Variants in OCA2 observed in about 807,000 individuals in gnomAD.
OCA2 encodes OCA2 melanosomal transmembrane protein.
A neutral mutation model predicts 100.2 loss-of-function variants in OCA2; 77 were observed. The observed-to-expected ratio is 0.77, with a 90% CI of 0.64 to 0.93. The LOEUF (loss-of-function observed/expected upper bound fraction) is 0.93, where lower values mean the gene tolerates loss of function less well. OCA2 is among the 40% of genes least tolerant of loss of function. The pLI, the probability that OCA2 is intolerant of heterozygous loss-of-function variation, is 0.00. For synonymous variants in OCA2, 432 were observed against 439.2 expected, an observed-to-expected ratio of 0.98 and a Z score of 0.21; for missense variants, 1,062 against 1,089.1, an observed-to-expected ratio of 0.98 and a Z score of 0.35.
intron 23 of OCA2, among the ~76,000 whole-genome samples, chr15:27,833,819 T>C (rs570128288): frequency 6.6e-6 from 1 of 152,078 alleles, no homozygotes; most frequent in Non-Finnish European, 1.5e-5. Context: ...TCTCCGGAGA[T>C]CTCACCCCAG....
At chr15:27,813,652 C>T (rs989425007) in intron 23 of OCA2, among the ~76,000 whole-genome samples, 1 of 152,204 alleles carries the variant, frequency 6.6e-6, no homozygotes, top group African/African-American at 2.4e-5. Flanking sequence ...CATCGGATCA[C>T]TCAGTTCATA....
chr15:27,846,834 G>A (rs1170171612), intron 22 of OCA2, among the ~76,000 whole-genome samples: 1 of 152,194 alleles, frequency 6.6e-6, no homozygotes, highest in African/African-American at 2.4e-5. Flanking sequence ...GGGCCTGCAT[G>A]AGGAAGGCTG....
chr15:27,739,419 G>A, the OCA2 span, among the ~76,000 whole-genome samples: 6 of 147,190 alleles, frequency 4.1e-5, no homozygotes, highest in South Asian at 6.6e-4. Context: ...ACTTACCAAT[G>A]ATAATATTAA....
At chr15:27,832,219 T>C (rs1323662408) in intron 23 of OCA2, among the ~76,000 whole-genome samples, 5 of 152,048 alleles carry the variant, frequency 3.3e-5, no homozygotes, top group East Asian at 1.9e-4. Flanking sequence ...CTCCAAACCC[T>C]ACCCCACTGG....
At position 28,053,761 on chromosome 15, in the gene OCA2, G is replaced by A. The variant is rs139248909; in HGVS notation, c.228-21598C>T. The stretch of plus-strand genomic sequence containing the variant: ...TTGCAACTAGCTGAGCCTATTCTGG[G>A]CACTTTGTCTCACGATGCTCAGCGC... On this transcript the variant is annotated intron_variant, in intron 2 of 23. Coordinates refer to ENST00000354638, the MANE Select transcript of OCA2 (RefSeq NM_000275.3). Among the ~76,000 whole-genome samples, 457 of 152,302 alleles carry A rather than the reference G, an allele frequency of 3.0e-3. 19 individuals carry two copies. The East Asian group carries it at 0.075, about 25-fold the overall frequency.
intron 1 of OCA2, among the ~76,000 whole-genome samples, chr15:28,091,801 C>G (rs1053259341): frequency 6.7e-6 from 1 of 149,954 alleles, no homozygotes; most frequent in Non-Finnish European, 1.5e-5. Context: ...ACTAAAAATA[C>G]AGAAATTAGC....
Position 27,826,351 on chromosome 15 carries a change from C to CCACACA in OCA2, c.2432+18602_2432+18607dup, listed in dbSNP as rs10535869. 6.0e-5 allele frequency among the ~76,000 whole-genome samples: 9 copies of CCACACA among 149,856 alleles called. No homozygotes were observed. The East Asian group carries it at 1.2e-3, about 20-fold the overall frequency. ...AGGCACAGAGAAGTCAAGGAACTTC[C>CCACACA]CACACACACACACACACACACACAG... On this transcript the variant is annotated intron_variant, in intron 23 of 23. Transcript: ENST00000354638.
intron 6 of OCA2, among the ~76,000 whole-genome samples, chr15:28,021,259 A>C (rs2042585509): frequency 6.6e-6 from 1 of 152,090 alleles, no homozygotes; most frequent in Admixed American, 6.5e-5. Flanking sequence ...CACCTTAATG[A>C]CCATGTCCAT....
At chr15:27,760,490 T>C (rs2030746453) in intron 23 of OCA2, among the ~76,000 whole-genome samples, 1 of 151,274 alleles carries the variant, frequency 6.6e-6, no homozygotes, top group Non-Finnish European at 1.5e-5. Flanking sequence ...AATTTAAAAA[T>C]AGGAAAACAG....
At chr15:27,739,440 C>CTTTT in the OCA2 span, among the ~76,000 whole-genome samples, 242 of 100,034 alleles carry the variant, frequency 2.4e-3, no homozygotes, top group East Asian at 6.1e-3. Context: ...TAATTTCTTT[C>CTTTT]TTTTTTTTTT....
rs573482205 is a variant in OCA2 at position 27,954,892 on chromosome 15, C to A, written c.1842+266G>T. ...GAGCGGGCTGGTGGTCAGGGACACC[C>A]GCTCAGAGGGCGGGCCCTGCAACGT... On this transcript the variant is annotated intron_variant, in intron 17 of 23. Coordinates refer to ENST00000354638, the MANE Select transcript of OCA2 (RefSeq NM_000275.3). 2.0e-5 allele frequency among the ~76,000 whole-genome samples: 3 copies of A among 152,276 alleles called. No homozygotes were observed. In the South Asian group the frequency reaches 6.2e-4, roughly 32 times the overall value.
intron 18 of OCA2, among the ~76,000 whole-genome samples, chr15:27,927,750 T>C (rs974603644): frequency 1.3e-5 from 2 of 150,704 alleles, no homozygotes; most frequent in South Asian, 2.1e-4. Flanking sequence ...TGGTTTCCAA[T>C]TGCATTTTTC....
intron 5 of OCA2, among the ~76,000 whole-genome samples, chr15:28,023,648 C>T (rs2141307170): frequency 6.6e-6 from 1 of 152,296 alleles, no homozygotes; most frequent in African/African-American, 2.4e-5. Context: ...ACCCCCATCA[C>T]AGCAGCACCT....
At chr15:27,959,046 G>A (rs1243652546) in intron 15 of OCA2, among the ~76,000 whole-genome samples, 7 of 152,210 alleles carry the variant, frequency 4.6e-5, no homozygotes, top group Non-Finnish European at 1.0e-4. Context: ...CAACAAAGAT[G>A]AGTTAGGCAG....
chr15:28,016,809 T>A (rs2042409347), intron 7 of OCA2, among the ~76,000 whole-genome samples: 1 of 152,188 alleles, frequency 6.6e-6, no homozygotes, highest in African/African-American at 2.4e-5. Flanking sequence ...AAATTTTTTT[T>A]AATTTAAAAA....
intron 9 of OCA2, among the ~76,000 whole-genome samples, chr15:28,009,827 A>G (rs2042192919): frequency 6.6e-6 from 1 of 152,214 alleles, no homozygotes; most frequent in Admixed American, 6.5e-5. Flanking sequence ...GAAAATCTAT[A>G]ATATCTAGAA....
At chr15:28,069,519 T>C (rs1208635781) in intron 2 of OCA2, among the ~76,000 whole-genome samples, 1 of 133,950 alleles carries the variant, frequency 7.5e-6, no homozygotes, top group African/African-American at 3.1e-5. Flanking sequence ...CCTGCCTGAT[T>C]CTCCTGCCTC....
intron 21 of OCA2, among the ~76,000 whole-genome samples, chr15:27,858,564 T>A (rs952660453): frequency 6.6e-6 from 1 of 152,028 alleles, no homozygotes; most frequent in East Asian, 1.9e-4. Context: ...TACATTATTG[T>A]CAGACAAAAT....
intron 23 of OCA2, among the ~76,000 whole-genome samples, chr15:27,831,936 C>T (rs185978377): frequency 5.5e-4 from 84 of 152,220 alleles, no homozygotes; most frequent in Non-Finnish European, 9.9e-4. Flanking sequence ...CCCAGGCTGA[C>T]GTCCAGTGCC....
Sources: gnomAD v4.1 joint callset for allele counts (sites outside exome capture counted in the v4.1 genomes callset) on GRCh38, gnomAD v4.1.1 for gene constraint, MANE v1.5 for transcripts, NCBI Gene and HGNC (gene_info 2026-07-23, HGNC 2026-07-21) for gene names.